Variants in ATP9A observed in about 807,000 individuals in gnomAD.
ATP9A encodes the protein ATPase phospholipid transporting 9A.
A neutral mutation model predicts 144.1 loss-of-function variants in ATP9A; 52 were observed. The ratio of observed to expected loss-of-function variants is 0.36; its 90% CI spans 0.29 to 0.45. The LOEUF is 0.45. ATP9A is among the 20% of genes least tolerant of loss of function. The pLI, the probability that ATP9A is intolerant of heterozygous loss-of-function variation, is 1.00. For synonymous variants in ATP9A, 582 were observed against 557.4 expected, an observed-to-expected ratio of 1.04 and a Z score of -0.62; for missense variants, 947 against 1,392.7, an observed-to-expected ratio of 0.68 and a Z score of 5.09.
intron 3 of ATP9A, among the ~76,000 whole-genome samples, chr20:51,716,287 A>C (rs555220508): frequency 9.2e-5 from 14 of 152,260 alleles, no homozygotes; most frequent in African/African-American, 3.4e-4. Flanking sequence ...TATTAGTACC[A>C]AGAAAAAATT....
At chr20:51,718,555 C>T (rs1284011908) in intron 3 of ATP9A, among the ~76,000 whole-genome samples, 1 of 151,888 alleles carries the variant, frequency 6.6e-6, no homozygotes, top group African/African-American at 2.4e-5. Context: ...CGAGCGCTCA[C>T]ACCTGTAATC....
chr20:51,695,509 AG>A (rs2077567160), intron 6 of ATP9A, among the ~76,000 whole-genome samples: 7 of 151,706 alleles, frequency 4.6e-5, no homozygotes, highest in Admixed American at 4.6e-4. Context: ...GTAGACTCAT[AG>A]GGTGGGCAGG....
At chr20:51,710,785 T>C (rs1333855844) in intron 4 of ATP9A, among the ~76,000 whole-genome samples, 1 of 151,766 alleles carries the variant, frequency 6.6e-6, no homozygotes, top group Admixed American at 6.6e-5. Context: ...AAGAGCTGAG[T>C]GAAGTTGAAG....
intron 1 of ATP9A, among the ~76,000 whole-genome samples, chr20:51,742,659 T>C (rs2077790098): frequency 6.6e-6 from 1 of 152,016 alleles, no homozygotes; most frequent in South Asian, 2.1e-4. Context: ...GGATTACAGG[T>C]GTGCACCACC....
chr20:51,740,744 A>G, intron 1 of ATP9A, among the ~76,000 whole-genome samples: 1 of 149,580 alleles, frequency 6.7e-6, no homozygotes, highest in East Asian at 2.0e-4. Flanking sequence ...AATTTTTTTT[A>G]TTTTTTATTT....
chr20:51,673,643 G>C (rs915644099), intron 11 of ATP9A, among the ~76,000 whole-genome samples: 1 of 152,182 alleles, frequency 6.6e-6, no homozygotes, highest in East Asian at 1.9e-4. Flanking sequence ...AAAGATCTCT[G>C]ATTCAAGAAA....
rs554316341 is a variant in ATP9A, at chr20:51,609,978, G to A, written c.2636+123C>T. ...AAACCATGGTGCTGGGCCTGCATTCGCTGGGGCTGGGAATCCAATGTGGCT... is the reference window on the plus strand; with the variant it reads ...AAACCATGGTGCTGGGCCTGCATTCACTGGGGCTGGGAATCCAATGTGGCT... On this transcript the variant is annotated intron_variant, in intron 24 of 27. Coordinates refer to ENST00000338821, the MANE Select transcript of ATP9A (RefSeq NM_006045.3). The A allele has an allele frequency of 1.7e-5, 14 of 804,000 alleles. No homozygotes were observed. In the East Asian group the frequency reaches 2.0e-4, roughly 11 times the overall value. The allele number at this position is 804,000 out of a possible 1,614,324, so 49.8% of individuals were successfully genotyped here.
intron 27 of ATP9A, among the ~76,000 whole-genome samples, chr20:51,602,996 G>A (rs996624730): frequency 1.3e-5 from 2 of 152,136 alleles, no homozygotes; most frequent in African/African-American, 4.8e-5. Flanking sequence ...TGAGGTAAAG[G>A]AGCAAGGGAT....
chr20:51,660,392 A>C (rs574047930), intron 13 of ATP9A, among the ~76,000 whole-genome samples: 1 of 152,352 alleles, frequency 6.6e-6, no homozygotes, highest in African/African-American at 2.4e-5. Flanking sequence ...TTCCAGGTGA[A>C]ACAATTCCCA....
At chr20:51,728,496 C>G (rs60741715) in intron 2 of ATP9A, among the ~76,000 whole-genome samples, 1 of 151,766 alleles carries the variant, frequency 6.6e-6, no homozygotes, top group Admixed American at 6.6e-5. Context: ...GGCGTGGTGG[C>G]GGGTGCCTGT....
rs7274618 is a variant in ATP9A, at chr20:51,637,194, A to G, written c.1668+2149T>C. Reference sequence around the variant, plus strand: ...CTACTATCCCAGAGCTGCCCATGGCACTAAAGCTACACGGTAAATGATCAA... The same window carrying G: ...CTACTATCCCAGAGCTGCCCATGGCGCTAAAGCTACACGGTAAATGATCAA... On this transcript the variant is annotated intron_variant, in intron 15 of 27. Coordinates refer to ENST00000338821, the MANE Select transcript of ATP9A (RefSeq NM_006045.3). 4.4e-3 allele frequency among the ~76,000 whole-genome samples: 662 copies of G among 151,956 alleles called. 6 individuals carry two copies. Among genetic ancestry groups the G allele is most frequent in the African/African-American group, 0.015 (610 of 41,438 alleles).
Position 51,658,888 on chromosome 20 carries a change from C to CGGTGGGGGG in ATP9A, c.1294-1739_1294-1738insCCCCCCACC, listed in dbSNP as rs746874247. The stretch of plus-strand genomic sequence containing the variant: ...ATATAATGAAAATTAAGACCACTGG[C>CGGTGGGGGG]GGGGGGGGGGGGGGGAAGGCTCATT... On this transcript the variant is annotated intron_variant, in intron 13 of 27. Transcript: ENST00000338821. 2.9e-4 allele frequency among the ~76,000 whole-genome samples: 16 copies of CGGTGGGGGG among 54,834 alleles called. 1 individual carries two copies. The highest frequency in any genetic ancestry group is 8.4e-4 in the African/African-American group (10 of 11,912). The allele number at this position is 54,834 out of a possible 152,430, so 36.0% of individuals were successfully genotyped here.
intron 1 of ATP9A, among the ~76,000 whole-genome samples, chr20:51,738,966 T>C (rs553835965): frequency 1.3e-5 from 2 of 151,872 alleles, no homozygotes; most frequent in Non-Finnish European, 2.9e-5. Flanking sequence ...CCTGTAGGCC[T>C]GAGTCCCACC....
chr20:51,619,575 A>G (rs1425157503), intron 19 of ATP9A, among the ~76,000 whole-genome samples: 81 of 116,546 alleles, frequency 7.0e-4, no homozygotes, highest in Non-Finnish European at 1.2e-3. Flanking sequence ...AAAAAAAAAA[A>G]AGGGGGGGGG....
chr20:51,653,520 T>C (rs930865082), intron 14 of ATP9A, among the ~76,000 whole-genome samples: 2 of 152,140 alleles, frequency 1.3e-5, no homozygotes, highest in Non-Finnish European at 2.9e-5. Flanking sequence ...GGTGCGGTGG[T>C]TACGCCTGTA....
rs1338922104 is a variant in ATP9A, at chr20:51,674,825, ATTAT to A, written c.877-516_877-513del. Reference sequence around the variant, plus strand: ...GTGGTGCATTAATGGACATTATTTTATTATTTATTTATTTAGAGATGGAGTCTCG... The same window carrying A: ...GTGGTGCATTAATGGACATTATTTTATTATTTATTTAGAGATGGAGTCTCG... On this transcript the variant is annotated intron_variant, in intron 10 of 27. Coordinates refer to ENST00000338821, the MANE Select transcript of ATP9A (RefSeq NM_006045.3). 4.6e-5 allele frequency among the ~76,000 whole-genome samples: 7 copies of A among 152,146 alleles called. No individual in the cohort carries two copies. In the Middle Eastern group the frequency reaches 0.014, roughly 296 times the overall value.
At chr20:51,750,719 G>C (rs372354494) in intron 1 of ATP9A, among the ~76,000 whole-genome samples, 3 of 152,200 alleles carry the variant, frequency 2.0e-5, no homozygotes, top group African/African-American at 7.2e-5. Context: ...GACAGAGCCA[G>C]GATGTGAGTC....
chr20:51,736,740 A>G (rs1292319982), intron 1 of ATP9A, among the ~76,000 whole-genome samples: 1 of 152,092 alleles, frequency 6.6e-6, no homozygotes, highest in African/African-American at 2.4e-5. Flanking sequence ...ATTATAAGGT[A>G]TATGAGTTAT....
intron 14 of ATP9A, among the ~76,000 whole-genome samples, chr20:51,650,548 A>C (rs967888310): frequency 1.1e-4 from 17 of 151,246 alleles, no homozygotes; most frequent in Admixed American, 2.6e-4. Flanking sequence ...AAAAAAATAA[A>C]AAATAAAAAA....
Sources: allele counts gnomAD v4.1 joint callset (sites outside exome capture counted in the v4.1 genomes callset), GRCh38; gene constraint gnomAD v4.1.1; transcripts MANE v1.5; gene names NCBI Gene and HGNC (gene_info 2026-07-23, HGNC 2026-07-21).